PPP2R2C: variants seen among roughly 807,000 people sequenced by gnomAD.
PPP2R2C encodes protein phosphatase 2 regulatory subunit Bgamma.
Under a neutral mutation model 45.3 loss-of-function variants are expected in PPP2R2C, and 10 were observed. The ratio of observed to expected loss-of-function variants is 0.22; its 90% CI spans 0.14 to 0.37. PPP2R2C has a LOEUF of 0.37. PPP2R2C is among the 10% of genes least tolerant of loss of function. PPP2R2C has a pLI of 1.00. For missense variants in PPP2R2C, 308 were observed against 619.7 expected, an observed-to-expected ratio of 0.50 and a Z score of 5.34; for synonymous variants, 257 against 245.4, an observed-to-expected ratio of 1.05 and a Z score of -0.44.
At chr4:6,417,521 C>A (rs1049946665) in intron 1 of PPP2R2C, among the ~76,000 whole-genome samples, 2 of 152,232 alleles carry the variant, frequency 1.3e-5, no homozygotes, top group African/African-American at 2.4e-5. Context: ...CCTCAGGCTC[C>A]CAGGATCCCA....
chr4:6,534,754 G>T (rs549059012), intron 2 of PPP2R2C, among the ~76,000 whole-genome samples: 1 of 152,106 alleles, frequency 6.6e-6, no homozygotes, highest in African/African-American at 2.4e-5. Flanking sequence ...CCCCGCCTCC[G>T]CATGGCTGCC....
rs770330671 is a variant in PPP2R2C at position 6,549,739 on chromosome 4, C to T, written c.-59+13821G>A. On this transcript the variant is annotated intron_variant, in intron 1 of 9. Coordinates refer to the PPP2R2C transcript ENST00000506140. ...CAGCACGGGCAGTAGCTGGAGCCCA[C>T]GGATGAGCTTTAAGGTATGAGCTAC... 6.6e-5 allele frequency among the ~76,000 whole-genome samples: 10 copies of T among 152,216 alleles called. No homozygotes were observed. In the East Asian group the frequency reaches 9.6e-4, roughly 15 times the overall value.
intron 1 of PPP2R2C, among the ~76,000 whole-genome samples, chr4:6,552,772 T>G (rs2108841105): frequency 6.6e-6 from 1 of 152,328 alleles, no homozygotes; most frequent in South Asian, 2.1e-4. Flanking sequence ...GGGGGCATTA[T>G]TCTTTCCACT....
intron 1 of PPP2R2C, among the ~76,000 whole-genome samples, chr4:6,546,328 T>C (rs1174383330): frequency 2.6e-5 from 4 of 152,192 alleles, no homozygotes; most frequent in African/African-American, 9.7e-5. Context: ...GGAGGGGCCG[T>C]TGACACACAG....
At chr4:6,483,144 T>TAGA (rs201472960) in intron 2 of PPP2R2C, among the ~76,000 whole-genome samples, 31,129 of 84,822 alleles carry the variant, frequency 0.37, 3,709 homozygotes, top group Middle Eastern at 0.43. Flanking sequence ...GATAGATAGA[T>TAGA]TGATTGATTG....
chr4:6,430,294 G>T (rs1719545865), intron 1 of PPP2R2C, among the ~76,000 whole-genome samples: 1 of 152,146 alleles, frequency 6.6e-6, no homozygotes, highest in African/African-American at 2.4e-5. Context: ...GGAGGAAGCT[G>T]AGGCCCAGAG....
intron 1 of PPP2R2C, among the ~76,000 whole-genome samples, chr4:6,443,396 G>A (rs537537378): frequency 2.6e-5 from 4 of 152,242 alleles, no homozygotes; most frequent in Non-Finnish European, 4.4e-5. Context: ...AGGGTGCTGC[G>A]GGATGCCATG....
At chr4:6,421,279 G>A (rs1473271120) in intron 1 of PPP2R2C, among the ~76,000 whole-genome samples, 1 of 152,120 alleles carries the variant, frequency 6.6e-6, no homozygotes, top group Non-Finnish European at 1.5e-5. Flanking sequence ...GCCCCTGAAG[G>A]CCGTGCGGGT....
chr4:6,462,478 TA>T (rs113106569), intron 1 of PPP2R2C, among the ~76,000 whole-genome samples: 1,538 of 151,346 alleles, frequency 0.01, 26 homozygotes, highest in African/African-American at 0.035. Context: ...AACTCCGTCT[TA>T]AAAAAAATAA....
Position 6,330,220 on chromosome 4 carries a change from G to A in PPP2R2C, c.961-867C>T, listed in dbSNP as rs1732297436. Reference sequence around the variant, plus strand: ...GTGCCAGCCCTCTGCTGAGGCTGGAGCTGCCAGGACAACAGGGCACGGGCT... The same window carrying A: ...GTGCCAGCCCTCTGCTGAGGCTGGAACTGCCAGGACAACAGGGCACGGGCT... On this transcript the variant is annotated intron_variant, in intron 7 of 8. Coordinates refer to ENST00000382599, the MANE Select transcript of PPP2R2C (RefSeq NM_020416.4). The surrounding 1 kb of genome is among the most constrained non-coding windows in gnomAD (Gnocchi z 7.0). Among the ~76,000 whole-genome samples, 1 of 152,212 alleles carries A rather than the reference G, an allele frequency of 6.6e-6. No homozygotes were observed. The highest frequency in any genetic ancestry group is 1.5e-5 in the Non-Finnish European group (1 of 68,034).
intron 3 of PPP2R2C, among the ~76,000 whole-genome samples, chr4:6,378,000 T>C (rs1715473289): frequency 6.6e-6 from 1 of 152,086 alleles, no homozygotes; most frequent in Non-Finnish European, 1.5e-5. Context: ...GGAGGAGGGG[T>C]TCACTTTGTG....
intron 1 of PPP2R2C, among the ~76,000 whole-genome samples, chr4:6,408,690 T>C (rs950064671): frequency 6.6e-6 from 1 of 152,060 alleles, no homozygotes; most frequent in African/African-American, 2.4e-5. Flanking sequence ...GGCCTGGGAA[T>C]CTGAATTTTA....
At chr4:6,379,233 T>G (rs1322622118) in intron 2 of PPP2R2C, among the ~76,000 whole-genome samples, 1 of 152,098 alleles carries the variant, frequency 6.6e-6, no homozygotes, top group Non-Finnish European at 1.5e-5. Flanking sequence ...GCAGCAGAGC[T>G]CCTTCTAATA....
intron 6 of PPP2R2C, among the ~76,000 whole-genome samples, chr4:6,346,746 C>T (rs979346314): frequency 3.8e-4 from 58 of 152,074 alleles, no homozygotes; most frequent in African/African-American, 1.3e-3. Flanking sequence ...GGCTGGTGTG[C>T]ACCCTGTCTC....
rs574104821 is a variant in PPP2R2C at position 6,389,230 on chromosome 4, C to T, written c.71-8136G>A. On this transcript the variant is annotated intron_variant, in intron 1 of 8. Transcript: ENST00000382599. ...AAACGATTCTGTGGACTAGGACGTT[C>T]CCTGGAAACTCTGGCCGAGGCCTGC... 3.6e-4 allele frequency among the ~76,000 whole-genome samples: 55 copies of T among 152,306 alleles called. No individual in the cohort carries two copies. The South Asian group carries it at 0.011, about 32-fold the overall frequency.
At chr4:6,384,793 T>G (rs1336133905) in intron 1 of PPP2R2C, 27 of 985,350 alleles carry the variant, frequency 2.7e-5, no homozygotes, top group Non-Finnish European at 3.1e-5. Context: ...TACTGTGATT[T>G]CCATTTGGCA....
Position 6,378,004 on chromosome 4 carries a change from C to G in PPP2R2C, c.334+403G>C, listed in dbSNP as rs1560496307. 6.6e-6 allele frequency among the ~76,000 whole-genome samples: 1 copy of G among 152,210 alleles called. No homozygotes were observed. Among genetic ancestry groups the G allele is most frequent in the African/African-American group, 2.4e-5 (1 of 41,446 alleles). On this transcript the variant is annotated intron_variant, in intron 3 of 8. Transcript: ENST00000382599. The surrounding 1 kb of genome is among the most constrained non-coding windows in gnomAD (Gnocchi z 5.2). ...ATTCGGCGTGGGGAGGAGGGGTTCA[C>G]TTTGTGTCAAATATCCCCCGTGTCT...
intron 6 of PPP2R2C, among the ~76,000 whole-genome samples, chr4:6,338,455 TG>T (rs892543689): frequency 6.6e-6 from 1 of 152,086 alleles, no homozygotes; most frequent in Non-Finnish European, 1.5e-5. Flanking sequence ...AACCAAGGTG[TG>T]GGGCGGCTCT....
chr4:6,383,234 A>G (rs775288233), intron 1 of PPP2R2C: 216 of 1,192,522 alleles, frequency 1.8e-4, no homozygotes, highest in Non-Finnish European at 2.1e-4. Flanking sequence ...GGTGCAGAAG[A>G]ACCCCCCCAA....
Sources: allele counts gnomAD v4.1 joint callset (sites outside exome capture counted in the v4.1 genomes callset), GRCh38; gene constraint gnomAD v4.1.1; non-coding constraint Gnocchi (gnomAD v3.1); transcripts MANE v1.5; gene names NCBI Gene and HGNC (gene_info 2026-07-23, HGNC 2026-07-21).